The following TFCP2 variants were observed in gnomAD, a reference collection of about 807,000 sequenced individuals.
TFCP2 encodes transcription factor CP2.
In TFCP2, 33 loss-of-function variants were observed where a neutral mutation model predicts 73.4. The observed-to-expected ratio is 0.45, with a 90% CI of 0.34 to 0.60. The LOEUF (loss-of-function observed/expected upper bound fraction) is 0.60. Ranked by LOEUF, TFCP2 falls within the 20% of genes least tolerant of loss-of-function variation. The pLI is 0.01. For missense variants in TFCP2, 352 were observed against 604.0 expected (o/e 0.58, Z 4.37); for synonymous variants, 193 against 211.6 (o/e 0.91, Z 0.76).
intron 4 of TFCP2, among the ~76,000 whole-genome samples, chr12:51,115,769 T>C (rs990509907): frequency 6.6e-6 from 1 of 152,208 alleles, no homozygotes; most frequent in Non-Finnish European, 1.5e-5. Flanking sequence ...TTGAAAACAT[T>C]ATGCTAAGTG....
rs1016240019 is a variant in TFCP2 at position 51,101,531 on chromosome 12, T to C, written c.1151+404A>G. Among the ~76,000 whole-genome samples the C allele has an allele frequency of 9.2e-5, 14 of 152,132 alleles. 1 individual carries two copies. Among genetic ancestry groups the C allele is most frequent in the African/African-American group, 3.4e-4 (14 of 41,444 alleles). Reference sequence around the variant, plus strand: ...ACCCTATAGCCCACAACCTTGTTTTTTGCTTATTTGTTTTGTTTTCCTTCA... The same window carrying C: ...ACCCTATAGCCCACAACCTTGTTTTCTGCTTATTTGTTTTGTTTTCCTTCA... On this transcript the variant is annotated intron_variant, in intron 11 of 14. Transcript: ENST00000257915.
intron 11 of TFCP2, 60 bp downstream of exon 11, chr12:51,101,850 GCTGTGTAGAGTATTGTGAAGAATTC>G: frequency 1.3e-6 from 1 of 796,950 alleles, no homozygotes; most frequent in Non-Finnish European, 2.2e-6. Flanking sequence ...GGTGTATTTA[GCTGTGTAGAGTATTGTGAAGAATTC>G]CTGAATCCAA....
chr12:51,170,827 C>T lies in TFCP2; in HGVS notation c.122+1474G>A, dbSNP rs1394049469. Among the ~76,000 whole-genome samples, 4 of 151,862 alleles carry T rather than the reference C, an allele frequency of 2.6e-5. No homozygotes were observed. The South Asian group carries it at 6.2e-4, about 24-fold the overall frequency. Reference sequence around the variant, plus strand: ...CCAAGTAGCTGGGATTACAGGCGTGCGCCACCACACCCGTCTAATTTTTTG... The same window carrying T: ...CCAAGTAGCTGGGATTACAGGCGTGTGCCACCACACCCGTCTAATTTTTTG... On this transcript the variant is annotated intron_variant, in intron 1 of 14. Transcript: ENST00000257915.
intron 12 of TFCP2, 47 bp downstream of exon 12, chr12:51,099,608 T>G: frequency 6.2e-7 from 1 of 1,600,074 alleles, no homozygotes; most frequent in Non-Finnish European, 8.6e-7. Flanking sequence ...ATAAGTTATC[T>G]CTTCACCTTT....
At chr12:51,099,869 T>C in intron 11 of TFCP2, 90 bp from the exon 12 acceptor site, 1 of 1,475,016 alleles carries the variant, frequency 6.8e-7, no homozygotes. Flanking sequence ...ACATTAATCG[T>C]ATAGAGCAGA....
At chr12:51,158,969 C>T (rs1941594289) in intron 1 of TFCP2, among the ~76,000 whole-genome samples, 1 of 143,002 alleles carries the variant, frequency 7.0e-6, no homozygotes. Flanking sequence ...CAAGACCAGC[C>T]TGGCCAACAT....
rs759868686 is a variant in TFCP2, at chr12:51,098,907, T to C, written c.1288A>G (p.Ile430Val). The change falls in exon 13 of 15, where the codon ATC becomes GTC. Residue 430 changes from isoleucine to valine, a missense_variant. Physicochemically the swap from Ile to Val is conservative, Grantham distance 29. This residue lies in a region of TFCP2 where 194 missense variants were observed against 256.3 expected (regional missense o/e 0.76). Transcript: ENST00000257915. ...ACAGCTGTTAGTTCTTCTAGATAGA[T>C]AGCATGGTAAACTGCAAAAGGGAGA... ...SNGTFFVYHA[I>V]YLEELTAVEL... 1.2e-6 allele frequency: 2 copies of C among 1,614,104 alleles called. No individual in the cohort carries two copies. Among genetic ancestry groups the C allele is most frequent in the Non-Finnish European group, 1.7e-6 (2 of 1,179,998 alleles).
rs140942477 is a variant in TFCP2, at chr12:51,106,557, G to A, written c.885C>T (p.Asn295=). The A allele has an allele frequency of 9.9e-6, 16 of 1,613,552 alleles. No homozygotes were observed. The highest frequency in any genetic ancestry group is 3.3e-4 in the Middle Eastern group (2 of 6,058). ...CAAGAGAAAAACTGCTATGGGAACT[G>A]TTGAAGCCAGGTGATGGGGAGTTAT... ...YVNNSPSPGF[N]SSHSSFSLGE... The change falls in exon 8 of 15, where the codon AAC becomes AAT. Residue 295 remains asparagine (N), a synonymous_variant. Coordinates refer to ENST00000257915, the MANE Select transcript of TFCP2 (RefSeq NM_005653.5).
Position 51,093,992 on chromosome 12 carries a change from C to CTT in TFCP2, c.*1248_*1249insAA, listed in dbSNP as rs149396253. On this transcript the variant is annotated 3_prime_UTR_variant, in exon 15 of 15. Transcript: ENST00000257915. ...GATGTTACACTTACACACTTACACA[C>CTT]ACACACACACACACACACAATCATT... 1 of 131,932 alleles carries CTT rather than the reference C, an allele frequency of 7.6e-6. No individual in the cohort carries two copies. Among genetic ancestry groups the CTT allele is most frequent in the African/African-American group, 2.8e-5 (1 of 35,740 alleles). The allele number at this position is 131,932 out of a possible 1,614,324, so 8.2% of individuals were successfully genotyped here.
intron 4 of TFCP2, among the ~76,000 whole-genome samples, chr12:51,112,640 G>A (rs1940430871): frequency 6.6e-6 from 1 of 152,190 alleles, no homozygotes; most frequent in African/African-American, 2.4e-5. Flanking sequence ...GCCAAGGCGG[G>A]TGGATCATTT....
At chr12:51,130,902 A>G (rs1040980668) in intron 1 of TFCP2, among the ~76,000 whole-genome samples, 13 of 151,456 alleles carry the variant, frequency 8.6e-5, no homozygotes, top group Non-Finnish European at 1.5e-4. Flanking sequence ...CAGGAGAATC[A>G]TTTGAACCCC....
At chr12:51,111,719 TG>T (rs1015751920) in intron 4 of TFCP2, among the ~76,000 whole-genome samples, 4 of 151,704 alleles carry the variant, frequency 2.6e-5, no homozygotes, top group Non-Finnish European at 5.9e-5. Context: ...CCGGCCGTGG[TG>T]GCCCACACCT....
intron 3 of TFCP2, among the ~76,000 whole-genome samples, chr12:51,117,173 GT>G (rs1940548115): frequency 6.6e-6 from 1 of 152,046 alleles, no homozygotes; most frequent in Admixed American, 6.6e-5. Context: ...CTTTCCTTTT[GT>G]TACTCTTACT....
At chr12:51,099,858 T>C (rs1409551801) in intron 11 of TFCP2, 79 bp from the exon 12 acceptor site, 5 of 1,551,498 alleles carry the variant, frequency 3.2e-6, no homozygotes, top group East Asian at 2.3e-5. Context: ...ATTGTGTTTC[T>C]ACATTAATCG....
At chr12:51,100,666 T>C (rs966382496) in intron 11 of TFCP2, among the ~76,000 whole-genome samples, 1 of 152,002 alleles carries the variant, frequency 6.6e-6, no homozygotes, top group Non-Finnish European at 1.5e-5. Flanking sequence ...AAGTACAAAA[T>C]TAGGCGGGCG....
chr12:51,103,467 AGT>A (rs1457642843), intron 10 of TFCP2, among the ~76,000 whole-genome samples: 3 of 152,196 alleles, frequency 2.0e-5, no homozygotes, highest in Non-Finnish European at 4.4e-5. Context: ...TAAACTAAAA[AGT>A]GTTTGTTTTT....
intron 8 of TFCP2, 53 bp from the exon 9 acceptor site, chr12:51,104,256 A>T: frequency 1.4e-6 from 2 of 1,463,688 alleles, no homozygotes; most frequent in Non-Finnish European, 1.9e-6. Flanking sequence ...GCTGGGGCTC[A>T]TTATTTCATT....
At chr12:51,157,540 C>T (rs75185963) in intron 1 of TFCP2, among the ~76,000 whole-genome samples, 1,904 of 152,128 alleles carry the variant, frequency 0.013, 39 homozygotes, top group African/African-American at 0.043. Context: ...GTGATACTCC[C>T]ATTTCAGCCT....
At chr12:51,164,650 AAAAG>A (rs1941718483) in intron 1 of TFCP2, among the ~76,000 whole-genome samples, 1 of 152,100 alleles carries the variant, frequency 6.6e-6, no homozygotes, top group Non-Finnish European at 1.5e-5. Flanking sequence ...GACTGGGAGA[AAAAG>A]AAAGAAGATG....
Sources: allele counts gnomAD v4.1 joint callset (sites outside exome capture counted in the v4.1 genomes callset), GRCh38; gene constraint gnomAD v4.1.1; regional missense constraint gnomAD v4.1.1; transcripts MANE v1.5; gene names NCBI Gene and HGNC (gene_info 2026-07-23, HGNC 2026-07-21).